The following ZBTB20 variants were observed in gnomAD, a reference collection of about 807,000 sequenced individuals.
ZBTB20 encodes zinc finger and BTB domain-containing protein 20.
In ZBTB20, 9 loss-of-function variants were observed where a neutral mutation model predicts 56.9. The ratio of observed to expected loss-of-function variants is 0.16; its 90% CI spans 0.10 to 0.28. The LOEUF is 0.28. Ranked by LOEUF, ZBTB20 falls within the 10% of genes least tolerant of loss-of-function variation. The pLI is 1.00. For missense variants in ZBTB20, 655 were observed against 1,003.0 expected (o/e 0.65, Z 4.69); for synonymous variants, 417 against 420.7 (o/e 0.99, Z 0.11).
In ZBTB20 at chr3:114,337,623, A is replaced by G. The variant is rs1217795593; in HGVS notation, c.*1382T>C. The stretch of plus-strand genomic sequence containing the variant: ...AATACAAAGCAGCAATTCAAATTAC[A>G]GCAGGGATGGGCTGGCCACAGAGGC... On this transcript the variant is annotated 3_prime_UTR_variant, in exon 12 of 12. Coordinates refer to ENST00000675478, the MANE Select transcript of ZBTB20 (RefSeq NM_001348800.3). 6.6e-6 allele frequency: 1 copy of G among 152,236 alleles called. No homozygotes were observed. The highest frequency in any genetic ancestry group is 1.5e-5 in the Non-Finnish European group (1 of 68,036). 9.4% of individuals were successfully genotyped at this position (152,236 alleles called of 1,614,324 possible). A position where few individuals can be genotyped will look rare whatever the true frequency, so the allele number is the denominator to read the frequency against.
chr3:114,348,869 T>C (rs1482303400), intron 11 of ZBTB20, among the ~76,000 whole-genome samples: 3 of 152,156 alleles, frequency 2.0e-5, no homozygotes, highest in Non-Finnish European at 2.9e-5. Context: ...AATTCGAGTA[T>C]GTAACTTTTC....
chr3:114,377,297 A>C (rs2083758899), intron 10 of ZBTB20, among the ~76,000 whole-genome samples: 1 of 152,212 alleles, frequency 6.6e-6, no homozygotes, highest in Non-Finnish European at 1.5e-5. Flanking sequence ...AAATTGTGTT[A>C]GTAGGCGCAC....
At chr3:114,483,130 T>C (rs1421793673) in intron 7 of ZBTB20, among the ~76,000 whole-genome samples, 2 of 152,218 alleles carry the variant, frequency 1.3e-5, no homozygotes, top group Non-Finnish European at 2.9e-5. Context: ...ATTGTGGTTC[T>C]AGTTTAATAA....
At chr3:114,659,727 C>T (rs772264490) in intron 6 of ZBTB20, among the ~76,000 whole-genome samples, 1 of 152,124 alleles carries the variant, frequency 6.6e-6, no homozygotes, top group Non-Finnish European at 1.5e-5. Context: ...TTAGGGAGAA[C>T]AGTCTTTCAG....
chr3:114,842,971 T>A (rs1283058819), intron 4 of ZBTB20, among the ~76,000 whole-genome samples: 1 of 152,172 alleles, frequency 6.6e-6, no homozygotes, highest in Non-Finnish European at 1.5e-5. Context: ...ATTTTCCCCA[T>A]GCTCTTCTGT....
intron 4 of ZBTB20, among the ~76,000 whole-genome samples, chr3:114,840,876 G>A (rs1171039885): frequency 6.6e-6 from 1 of 151,942 alleles, no homozygotes; most frequent in Non-Finnish European, 1.5e-5. Flanking sequence ...ATGCATAAAT[G>A]AAAGTAAAAT....
intron 2 of ZBTB20, among the ~76,000 whole-genome samples, chr3:115,052,275 G>A (rs1474185426): frequency 6.6e-6 from 1 of 151,902 alleles, no homozygotes. Context: ...TGGACAACAT[G>A]GTGAAACCCT....
chr3:114,335,265 TTATC>T lies in ZBTB20; in HGVS notation c.*3736_*3739del, dbSNP rs1308547168. ...TAAATCTGGAACATTTGCTTTTATC[TTATC>T]TATCTGTTTCCTGGCTACTAGAAAG... On this transcript the variant is annotated 3_prime_UTR_variant, in exon 12 of 12. Coordinates refer to ENST00000675478, the MANE Select transcript of ZBTB20 (RefSeq NM_001348800.3). 2.0e-5 allele frequency: 3 copies of T among 152,178 alleles called. No individual in the cohort carries two copies. The highest frequency in any genetic ancestry group is 3.2e-3 in the Middle Eastern group (1 of 316). The allele number at this position is 152,178 out of a possible 1,614,324, so 9.4% of individuals were successfully genotyped here.
intron 1 of ZBTB20, among the ~76,000 whole-genome samples, chr3:115,091,717 CAT>C (rs139201422): frequency 1.5e-3 from 218 of 145,528 alleles, no homozygotes; most frequent in East Asian, 4.9e-3. Context: ...ATAATACATA[CAT>C]ATATATATAT....
intron 6 of ZBTB20, among the ~76,000 whole-genome samples, chr3:114,575,784 A>T (rs998261305): frequency 6.6e-6 from 1 of 152,178 alleles, no homozygotes; most frequent in African/African-American, 2.4e-5. Flanking sequence ...AGAGTTACCA[A>T]ATATATTTAT....
intron 4 of ZBTB20, among the ~76,000 whole-genome samples, chr3:114,852,429 A>C (rs1173810255): frequency 6.6e-6 from 1 of 151,476 alleles, no homozygotes; most frequent in African/African-American, 2.4e-5. Context: ...ATGCCCGGCT[A>C]ATTTTTGTAT....
Position 114,326,330 on chromosome 3 carries a change from T to C in ZBTB20, c.*12675A>G, listed in dbSNP as rs958947929. 1.3e-5 allele frequency: 2 copies of C among 152,200 alleles called. No homozygotes were observed. The highest frequency in any genetic ancestry group is 4.8e-5 in the African/African-American group (2 of 41,446). 9.4% of individuals were successfully genotyped at this position (152,200 alleles called of 1,614,324 possible). ...ATCTGCAATCAATAAAAAAATCTAT[T>C]CTTTGGCCCCAGACCTGTTAGTTTA... On this transcript the variant is annotated 3_prime_UTR_variant, in exon 12 of 12. Coordinates refer to ENST00000675478, the MANE Select transcript of ZBTB20 (RefSeq NM_001348800.3).
At chr3:114,805,025 T>A (rs1180443193) in intron 4 of ZBTB20, among the ~76,000 whole-genome samples, 1 of 151,928 alleles carries the variant, frequency 6.6e-6, no homozygotes, top group Non-Finnish European at 1.5e-5. Context: ...AATCTATAAA[T>A]TCTCCATTTG....
intron 5 of ZBTB20, among the ~76,000 whole-genome samples, chr3:114,735,590 A>C (rs1307387357): frequency 6.6e-6 from 1 of 152,196 alleles, no homozygotes; most frequent in Non-Finnish European, 1.5e-5. Context: ...TATCCAGTAC[A>C]TGAAATTTAT....
chr3:114,877,461 C>T (rs1576198877), intron 4 of ZBTB20, among the ~76,000 whole-genome samples: 1 of 152,116 alleles, frequency 6.6e-6, no homozygotes, highest in East Asian at 1.9e-4. Flanking sequence ...GGAAAGGAAC[C>T]CAAATAAGCA....
chr3:115,051,691 A>G lies in ZBTB20; in HGVS notation c.-507+19528T>C, dbSNP rs552808982. Among the ~76,000 whole-genome samples the G allele has an allele frequency of 3.3e-5, 5 of 152,304 alleles. No homozygotes were observed. In the East Asian group the frequency reaches 9.6e-4, roughly 29 times the overall value. ...CGTGTTTTGTAAGACAAATTTCAGCAAGTTCTTTTTCCAATTATCATAAAT... is the reference window on the plus strand; with the variant it reads ...CGTGTTTTGTAAGACAAATTTCAGCGAGTTCTTTTTCCAATTATCATAAAT... On this transcript the variant is annotated intron_variant, in intron 2 of 11. Transcript: ENST00000675478.
At chr3:114,622,384 G>A (rs3732479) in intron 6 of ZBTB20, among the ~76,000 whole-genome samples, 1 of 151,762 alleles carries the variant, frequency 6.6e-6, no homozygotes, top group East Asian at 1.9e-4. Context: ...GTCCTAACAC[G>A]AGCTAACTAC....
intron 1 of ZBTB20, among the ~76,000 whole-genome samples, chr3:115,124,199 TA>T (rs1473185201): frequency 6.6e-6 from 1 of 152,228 alleles, no homozygotes; most frequent in Admixed American, 6.5e-5. Flanking sequence ...AAGTGAATAG[TA>T]TATGTTTTAT....
intron 6 of ZBTB20, among the ~76,000 whole-genome samples, chr3:114,601,411 C>T (rs754554263): frequency 1.3e-5 from 2 of 152,070 alleles, no homozygotes; most frequent in Admixed American, 6.6e-5. Context: ...ACGATAGAAT[C>T]TACTCAAAAC....
Sources: gnomAD v4.1 joint callset for allele counts (sites outside exome capture counted in the v4.1 genomes callset) on GRCh38, gnomAD v4.1.1 for gene constraint, MANE v1.5 for transcripts, NCBI Gene and HGNC (gene_info 2026-07-23, HGNC 2026-07-21) for gene names.